NRK: variants seen among roughly 807,000 people sequenced by gnomAD.
NRK encodes the protein Nik related kinase, also known as nik-related protein kinase.
Under a neutral mutation model 125.2 loss-of-function variants are expected in NRK, and 67 were observed. The ratio of observed to expected loss-of-function variants is 0.54; its 90% CI spans 0.44 to 0.66. NRK has a LOEUF of 0.66. Ranked by LOEUF, NRK falls within the 30% of genes least tolerant of loss-of-function variation. NRK has a pLI of 0.00. For synonymous variants in NRK, 458 were observed against 429.0 expected (o/e 1.07, Z -0.84); for missense variants, 1,224 against 1,192.9 (o/e 1.03, Z -0.38).
Position 105,895,590 on chromosome X carries a change from T to C in NRK, c.580+67T>C, listed in dbSNP as rs1602648730. 3.0e-5 allele frequency: 21 copies of C among 705,463 alleles called. No homozygotes were observed. The East Asian group carries it at 6.5e-4, about 22-fold the overall frequency. The allele number at this position is 705,463 out of a possible 1,213,427, so 58.1% of individuals were successfully genotyped here. A position where few individuals can be genotyped will look rare whatever the true frequency, so the allele number is the denominator to read the frequency against. ...ATGGAGAAAGCTCCTTTAAGATAAC[T>C]ATGCTTTCTATCATGTCCCTGCCAA... On this transcript the variant is annotated intron_variant, in intron 7 of 28. Transcript: ENST00000243300.
At position 105,906,552 on chromosome X, in the gene NRK, G is replaced by T; in HGVS notation, c.984G>T (p.Arg328Ser). ...NERHVVESLT[R>S]HLTGIIKKRQ... ...GACATGTTGTTGAGTCATTAACAAGGCATCTTACTGGAATCATTAAAAAAA... is the reference window on the plus strand; with the variant it reads ...GACATGTTGTTGAGTCATTAACAAGTCATCTTACTGGAATCATTAAAAAAA... Residue 328 changes from arginine to serine, a missense_variant, in exon 11 of 29, where the codon AGG becomes AGT. Arg to Ser is a moderately radical substitution (Grantham distance 110). Coordinates refer to ENST00000243300, the MANE Select transcript of NRK (RefSeq NM_198465.4). 9.0e-7 allele frequency: 1 copy of T among 1,116,644 alleles called. No homozygotes were observed. The highest frequency in any genetic ancestry group is 1.2e-6 in the Non-Finnish European group (1 of 833,958). 92.0% of individuals were successfully genotyped at this position (1,116,644 alleles called of 1,213,427 possible).
intron 5 of NRK, among the ~76,000 whole-genome samples, chrX:105,891,116 T>C (rs1293819564): frequency 8.9e-6 from 1 of 112,020 alleles, no homozygotes; most frequent in Admixed American, 9.5e-5. Context: ...TTTTGCAAAG[T>C]ATATGCGCTT....
chrX:105,949,904 A>T (rs947380509), intron 27 of NRK, among the ~76,000 whole-genome samples, 170 bp downstream of exon 27: 1 of 111,765 alleles, frequency 8.9e-6, no homozygotes, highest in Non-Finnish European at 1.9e-5. Context: ...TATTTGTCCT[A>T]TGCTTAATGA....
upstream of NRK, chrX:105,822,454 A>T: frequency 4.6e-6 from 1 of 216,661 alleles, no homozygotes; most frequent in South Asian, 7.3e-5. Context: ...GTGACGCTGC[A>T]CCAATCCCTT....
chrX:105,840,680 A>AT (rs2039320312), intron 2 of NRK, among the ~76,000 whole-genome samples: 1 of 111,371 alleles, frequency 9.0e-6, no homozygotes, highest in Admixed American at 9.6e-5. Context: ...TATTTTTAAT[A>AT]TATTAGTCCT....
chrX:105,875,976 G>A, intron 2 of NRK, among the ~76,000 whole-genome samples: 1 of 111,008 alleles, frequency 9.0e-6, no homozygotes. Flanking sequence ...TGACAACATG[G>A]AAGAACCTGG....
intron 2 of NRK, among the ~76,000 whole-genome samples, chrX:105,859,563 C>T (rs955167187): frequency 5.4e-5 from 6 of 111,972 alleles, no homozygotes; most frequent in Non-Finnish European, 1.1e-4. Flanking sequence ...ACATAATATG[C>T]TGCTTGAACC....
At chrX:105,836,464 C>T (rs753690988) in intron 2 of NRK, among the ~76,000 whole-genome samples, 7 of 111,781 alleles carry the variant, frequency 6.3e-5, no homozygotes, top group South Asian at 7.4e-4. Context: ...GAATGATTTC[C>T]GTCTGTCACT....
intron 15 of NRK, among the ~76,000 whole-genome samples, chrX:105,916,435 G>A (rs1043624870): frequency 7.3e-5 from 8 of 110,236 alleles, no homozygotes; most frequent in African/African-American, 2.0e-4. Context: ...ACCCCCTCCA[G>A]CCCCAACTCA....
intron 14 of NRK, among the ~76,000 whole-genome samples, chrX:105,915,458 G>A (rs945835893): frequency 4.5e-5 from 5 of 110,893 alleles, no homozygotes; most frequent in Non-Finnish European, 9.5e-5. Context: ...TCCCTCTTTA[G>A]GCTACAGATT....
At chrX:105,942,744 G>C (rs1410654369) in intron 23 of NRK, among the ~76,000 whole-genome samples, 1 of 110,409 alleles carries the variant, frequency 9.1e-6, no homozygotes, top group Admixed American at 9.6e-5. Flanking sequence ...TCAGCCTCCC[G>C]AGTAGCTGAG....
In NRK at chrX:105,955,536, A is replaced by G. The variant is rs775295878; in HGVS notation, c.4685A>G (p.His1562Arg). 5 of 1,194,669 alleles carry G rather than the reference A, an allele frequency of 4.2e-6. No homozygotes were observed. In the South Asian group the frequency reaches 9.1e-5, roughly 22 times the overall value. ...LFFTSTLRNH[H>R]SRVYFMTLGK... ...TTTACCTCTACCCTGCGCAATCACC[A>G]CAGCCGGGTTTACTTCATGACACTT... Residue 1562 changes from histidine (H) to arginine (R), a missense_variant, in exon 29 of 29, where the codon CAC becomes CGC. Physicochemically the swap from His to Arg is conservative, Grantham distance 29. Transcript: ENST00000243300.
At chrX:105,889,532 C>T (rs2039990080) in intron 5 of NRK, among the ~76,000 whole-genome samples, 1 of 112,288 alleles carries the variant, frequency 8.9e-6, no homozygotes, top group African/African-American at 3.2e-5. Flanking sequence ...CCGCATTTCC[C>T]TTCTACACTG....
chrX:105,939,683 T>C (rs1182736567), intron 22 of NRK, among the ~76,000 whole-genome samples, 191 bp from the exon 23 acceptor site: 1 of 111,780 alleles, frequency 8.9e-6, no homozygotes, highest in Non-Finnish European at 1.9e-5. Flanking sequence ...TCTCTTGGAA[T>C]TGAGAGACTA....
intron 2 of NRK, among the ~76,000 whole-genome samples, chrX:105,836,567 A>G (rs1258888358): frequency 8.9e-6 from 1 of 112,220 alleles, no homozygotes; most frequent in African/African-American, 3.2e-5. Context: ...ATGGAAAACA[A>G]TCTGGGAGTA....
At chrX:105,914,445 T>G (rs1780938875) in intron 14 of NRK, among the ~76,000 whole-genome samples, 1 of 111,487 alleles carries the variant, frequency 9.0e-6, no homozygotes. Flanking sequence ...TGATTTGAAA[T>G]ACATCATTAT....
intron 1 of NRK, among the ~76,000 whole-genome samples, chrX:105,824,665 G>A (rs1322605239): frequency 2.7e-5 from 3 of 110,051 alleles, no homozygotes; most frequent in African/African-American, 6.6e-5. Context: ...TACCTGACCC[G>A]GTCATGGCCC....
At chrX:105,925,562 T>C (rs2147772844) in intron 19 of NRK, among the ~76,000 whole-genome samples, 1 of 111,038 alleles carries the variant, frequency 9.0e-6, no homozygotes, top group Non-Finnish European at 1.9e-5. Context: ...TCCTATCTAG[T>C]CATGCATTTG....
intron 18 of NRK, 128 bp from the exon 19 acceptor site, chrX:105,924,567 C>T: frequency 1.9e-6 from 1 of 526,969 alleles, no homozygotes. Context: ...GTAGTGTTCA[C>T]ATAGAACAAA....
Sources: allele counts gnomAD v4.1 joint callset (sites outside exome capture counted in the v4.1 genomes callset), GRCh38; gene constraint gnomAD v4.1.1; transcripts MANE v1.5; gene names NCBI Gene and HGNC (gene_info 2026-07-23, HGNC 2026-07-21).